Variants in DGKI observed in about 807,000 individuals in gnomAD.
DGKI encodes diacylglycerol kinase iota.
In DGKI, 55 loss-of-function variants were observed where a neutral mutation model predicts 147.5. That is an observed-to-expected ratio of 0.37 (90% CI 0.30 to 0.47). The LOEUF (loss-of-function observed/expected upper bound fraction) is 0.47, where lower values mean the gene tolerates loss of function less well. DGKI is among the 20% of genes least tolerant of loss of function. The pLI, the probability that DGKI is intolerant of heterozygous loss-of-function variation, is 1.00. For missense variants in DGKI, 1,007 were observed against 1,323.8 expected, an observed-to-expected ratio of 0.76 and a Z score of 3.71; for synonymous variants, 469 against 477.1, an observed-to-expected ratio of 0.98 and a Z score of 0.22.
intron 3 of DGKI, 125 bp from the exon 4 acceptor site, chr7:137,656,665 T>C (rs1229333554): frequency 5.5e-6 from 5 of 907,172 alleles, no homozygotes; most frequent in Non-Finnish European, 8.3e-6. Context: ...TTATTTCTAT[T>C]ACAAAGCAAA....
chr7:137,413,575 G>A (rs931096350), intron 28 of DGKI, among the ~76,000 whole-genome samples: 1 of 152,136 alleles, frequency 6.6e-6, no homozygotes, highest in Non-Finnish European at 1.5e-5. Flanking sequence ...TAGGATAATG[G>A]TCTTCAGCTG....
In DGKI at chr7:137,696,231, T is replaced by C. The variant is rs141518189; in HGVS notation, c.402-6229A>G. Reference sequence around the variant, plus strand: ...TATTCAAACAGAAGATTTCCTCTTCTAGTCAGTAAATAATTCCACGGTTGC... The same window carrying C: ...TATTCAAACAGAAGATTTCCTCTTCCAGTCAGTAAATAATTCCACGGTTGC... On this transcript the variant is annotated intron_variant, in intron 1 of 32. Transcript: ENST00000614521. Among the ~76,000 whole-genome samples the C allele has an allele frequency of 4.4e-4, 67 of 152,274 alleles. 1 individual carries two copies. Among genetic ancestry groups the C allele is most frequent in the African/African-American group, 1.5e-3 (62 of 41,548 alleles).
At chr7:137,481,430 C>G (rs1815367343) in intron 23 of DGKI, among the ~76,000 whole-genome samples, 1 of 152,066 alleles carries the variant, frequency 6.6e-6, no homozygotes, top group African/African-American at 2.4e-5. Flanking sequence ...TTGGCAACCT[C>G]AAGAATATCC....
At chr7:137,790,669 CAGAA>C (rs1796824165) in intron 1 of DGKI, among the ~76,000 whole-genome samples, 1 of 152,134 alleles carries the variant, frequency 6.6e-6, no homozygotes, top group South Asian at 2.1e-4. Context: ...GCTGGTGAAA[CAGAA>C]AGAGCAGGAC....
At chr7:137,440,795 G>T (rs576086345) in intron 28 of DGKI, among the ~76,000 whole-genome samples, 5 of 152,076 alleles carry the variant, frequency 3.3e-5, no homozygotes, top group Non-Finnish European at 7.4e-5. Context: ...ACCCTGATGC[G>T]CTATTATATA....
At chr7:137,752,368 T>C (rs1795523987) in intron 1 of DGKI, among the ~76,000 whole-genome samples, 1 of 152,226 alleles carries the variant, frequency 6.6e-6, no homozygotes, top group Non-Finnish European at 1.5e-5. Context: ...GCCTCATATT[T>C]ATAAACTTCA....
intron 1 of DGKI, among the ~76,000 whole-genome samples, chr7:137,703,309 G>A (rs563426068): frequency 1.6e-4 from 24 of 152,250 alleles, no homozygotes; most frequent in Admixed American, 5.2e-4. Flanking sequence ...ATCCACCCAC[G>A]TGATCCAATC....
At chr7:137,496,405 A>G (rs1183701933) in intron 21 of DGKI, among the ~76,000 whole-genome samples, 1 of 152,136 alleles carries the variant, frequency 6.6e-6, no homozygotes, top group Non-Finnish European at 1.5e-5. Flanking sequence ...TACAGACTCA[A>G]TGCTGTTCCT....
At chr7:137,654,557 A>G (rs1220803783) in intron 5 of DGKI, among the ~76,000 whole-genome samples, 175 bp downstream of exon 5, 1 of 152,252 alleles carries the variant, frequency 6.6e-6, no homozygotes, top group Non-Finnish European at 1.5e-5. Flanking sequence ...CAGTGTGCAC[A>G]TGTTGAAAAG....
At chr7:137,626,954 G>A (rs1183939366) in intron 6 of DGKI, among the ~76,000 whole-genome samples, 1 of 152,088 alleles carries the variant, frequency 6.6e-6, no homozygotes, top group Non-Finnish European at 1.5e-5. Context: ...CTTCATGCAG[G>A]TATTCAGGGC....
intron 8 of DGKI, among the ~76,000 whole-genome samples, chr7:137,617,084 T>G (rs1470082756): frequency 7.0e-6 from 1 of 143,282 alleles, no homozygotes; most frequent in African/African-American, 2.7e-5. Flanking sequence ...TGATATCCTC[T>G]TCCTGTGATG....
At position 137,846,365 on chromosome 7, in the gene DGKI, A is replaced by T; in HGVS notation, c.401+97T>A. On this transcript the variant is annotated intron_variant, in intron 1 of 32. Coordinates refer to ENST00000614521, the MANE Select transcript of DGKI (RefSeq NM_001321708.2). This position sits in a 1 kb window ranked among gnomAD's most constrained non-coding sequence, Gnocchi z 4.0. The stretch of plus-strand genomic sequence containing the variant: ...GGGGGAAGGAGAGGCGTGGAAACAG[A>T]GAGGTGCCCAACTCCGCGGAAGCGC... The T allele has an allele frequency of 1.4e-6, 1 of 740,272 alleles. No individual in the cohort carries two copies. The highest frequency in any genetic ancestry group is 2.1e-6 in the Non-Finnish European group (1 of 484,996). The allele number at this position is 740,272 out of a possible 1,614,324, so 45.9% of individuals were successfully genotyped here. A position where few individuals can be genotyped will look rare whatever the true frequency, so the allele number is the denominator to read the frequency against.
At chr7:137,845,529 C>T (rs1448963162) in intron 1 of DGKI, among the ~76,000 whole-genome samples, 2 of 152,186 alleles carry the variant, frequency 1.3e-5, no homozygotes, top group Non-Finnish European at 2.9e-5. Context: ...CATATCACCT[C>T]GACCTTTAAC....
chr7:137,506,105 G>C (rs997193435), intron 21 of DGKI, among the ~76,000 whole-genome samples: 3 of 152,262 alleles, frequency 2.0e-5, no homozygotes, highest in Non-Finnish European at 4.4e-5. Flanking sequence ...CAGCTCCTTG[G>C]TATTTACCCA....
chr7:137,559,272 C>CAT (rs1818335516), intron 19 of DGKI, among the ~76,000 whole-genome samples: 3 of 150,800 alleles, frequency 2.0e-5, no homozygotes, highest in African/African-American at 4.9e-5. Context: ...GGGGTTTCAC[C>CAT]GTTATAGCCG....
intron 12 of DGKI, among the ~76,000 whole-genome samples, chr7:137,590,215 G>A (rs1226308456): frequency 2.0e-5 from 3 of 152,186 alleles, no homozygotes; most frequent in African/African-American, 4.8e-5. Flanking sequence ...AGCTGTCCTG[G>A]AGCACGGCTC....
At position 137,387,406 on chromosome 7, in the gene DGKI, T is replaced by C. The variant is rs1811207226; in HGVS notation, c.*3814A>G. 6.6e-6 allele frequency: 1 copy of C among 152,114 alleles called. No individual in the cohort carries two copies. Among genetic ancestry groups the C allele is most frequent in the African/African-American group, 2.4e-5 (1 of 41,424 alleles). 9.4% of individuals were successfully genotyped at this position (152,114 alleles called of 1,614,324 possible). A position where few individuals can be genotyped will look rare whatever the true frequency, so the allele number is the denominator to read the frequency against. ...GCAATGGTGGAAACAAAAAAATAAA[T>C]GGAACTTCTCTGTTTAACCTGTCTT... On this transcript the variant is annotated 3_prime_UTR_variant, in exon 33 of 33. Transcript: ENST00000614521.
chr7:137,667,309 C>A (rs1471917693), intron 3 of DGKI, among the ~76,000 whole-genome samples: 1 of 152,010 alleles, frequency 6.6e-6, no homozygotes. Context: ...AAATTTCAAG[C>A]AGACAGACTT....
At chr7:137,397,478 T>G in intron 30 of DGKI, 65 bp from the exon 31 acceptor site, 1 of 1,516,020 alleles carries the variant, frequency 6.6e-7, no homozygotes, top group Non-Finnish European at 9.1e-7. Context: ...TAACAGAAAA[T>G]CTATAGTCAC....
Sources: gnomAD v4.1 joint callset for allele counts (sites outside exome capture counted in the v4.1 genomes callset) on GRCh38, gnomAD v4.1.1 for gene constraint, Gnocchi (gnomAD v3.1) non-coding constraint, MANE v1.5 for transcripts, NCBI Gene and HGNC (gene_info 2026-07-23, HGNC 2026-07-21) for gene names.